Variants in MMD2 observed in about 807,000 individuals in gnomAD.
MMD2 encodes monocyte to macrophage differentiation factor 2.
In MMD2, 30 loss-of-function variants were observed where a neutral mutation model predicts 33.5. That is an observed-to-expected ratio of 0.90 (90% CI 0.67 to 1.22). The LOEUF (loss-of-function observed/expected upper bound fraction) is 1.22. Among genes scored for constraint, MMD2 ranks in the 50% most tolerant of loss-of-function variants. The pLI is 0.00. For synonymous variants in MMD2, 129 were observed against 123.0 expected, an observed-to-expected ratio of 1.05 and a Z score of -0.32; for missense variants, 364 against 325.4, an observed-to-expected ratio of 1.12 and a Z score of -0.91.
At chr7:4,911,324 A>G in intron 4 of MMD2, 78 bp from the exon 5 acceptor site, 4 of 1,199,788 alleles carry the variant, frequency 3.3e-6, no homozygotes, top group Admixed American at 2.1e-5. Context: ...GGCCTGTCAC[A>G]GGAAATGGAC....
At chr7:4,951,694 G>C (rs1408377994) in intron 1 of MMD2, among the ~76,000 whole-genome samples, 2 of 152,100 alleles carry the variant, frequency 1.3e-5, no homozygotes, top group Non-Finnish European at 2.9e-5. Flanking sequence ...CAATCTCCTA[G>C]GCTCAGGTGA....
chr7:4,944,760 C>CTTTTTTTTTT (rs142716643), intron 1 of MMD2, among the ~76,000 whole-genome samples: 34 of 75,282 alleles, frequency 4.5e-4, no homozygotes, highest in Non-Finnish European at 6.1e-4. Context: ...TCTTCTTCTT[C>CTTTTTTTTTT]TTTTTTTTTT....
the MMD2 span, among the ~76,000 whole-genome samples, chr7:4,893,163 G>A: frequency 1.3e-5 from 2 of 152,048 alleles, no homozygotes; most frequent in African/African-American, 4.8e-5. Context: ...GACCCTTGCA[G>A]CTGCCTTGAG....
chr7:4,902,805 T>A (rs1366233607), downstream of MMD2, among the ~76,000 whole-genome samples: 1 of 152,156 alleles, frequency 6.6e-6, no homozygotes, highest in Non-Finnish European at 1.5e-5. Context: ...ACCTGCCCCC[T>A]CTCAGCACTC....
At chr7:4,949,686 A>G (rs1228074211) in intron 1 of MMD2, among the ~76,000 whole-genome samples, 2 of 151,588 alleles carry the variant, frequency 1.3e-5, no homozygotes, top group South Asian at 2.1e-4. Flanking sequence ...TAATTTTTGT[A>G]TTTTTTGTAG....
At chr7:4,909,332 T>C (rs1340439448) in intron 6 of MMD2, among the ~76,000 whole-genome samples, 1 of 144,712 alleles carries the variant, frequency 6.9e-6, no homozygotes, top group African/African-American at 2.6e-5. Context: ...AAAGAAACAC[T>C]CATAGAATAG....
intron 1 of MMD2, among the ~76,000 whole-genome samples, chr7:4,935,081 G>A (rs1445585422): frequency 1.3e-5 from 2 of 152,060 alleles, no homozygotes; most frequent in Non-Finnish European, 2.9e-5. Context: ...AGCTCCTCAG[G>A]AGGCTGAGGC....
In MMD2 at chr7:4,946,089, GCACACA is replaced by G. The variant is rs1025964798; in HGVS notation, c.47+12876_47+12881del. ...CACACTCACACGCACGCACACGCAC[GCACACA>G]CACGCATGCACACGCGCACACGCAC... On this transcript the variant is annotated intron_variant, in intron 1 of 6. Transcript: ENST00000401401. The surrounding 1 kb of genome is among the most constrained non-coding windows in gnomAD (Gnocchi z 5.0). 2.0e-5 allele frequency among the ~76,000 whole-genome samples: 3 copies of G among 150,052 alleles called. No homozygotes were observed. Among genetic ancestry groups the G allele is most frequent in the African/African-American group, 7.4e-5 (3 of 40,628 alleles).
chr7:4,924,143 G>C (rs1785360343), intron 2 of MMD2, among the ~76,000 whole-genome samples: 1 of 152,210 alleles, frequency 6.6e-6, no homozygotes, highest in South Asian at 2.1e-4. Context: ...AGTGAGCCGA[G>C]ATCGCACCAC....
At chr7:4,934,260 C>T (rs1260079751) in intron 1 of MMD2, among the ~76,000 whole-genome samples, 1 of 151,800 alleles carries the variant, frequency 6.6e-6, no homozygotes, top group Non-Finnish European at 1.5e-5. Flanking sequence ...CACCACCACA[C>T]CCAACTAATT....
the MMD2 span, among the ~76,000 whole-genome samples, chr7:4,895,743 T>A: frequency 2.0e-5 from 3 of 151,832 alleles, no homozygotes; most frequent in East Asian, 5.9e-4. Flanking sequence ...ATCATGTTGG[T>A]CAGGTTGGTC....
At chr7:4,937,435 AAAGAAAGG>A (rs1188931080) in intron 1 of MMD2, among the ~76,000 whole-genome samples, 2 of 151,852 alleles carry the variant, frequency 1.3e-5, no homozygotes, top group East Asian at 1.9e-4. Flanking sequence ...AAAGAGAAAG[AAAGAAAGG>A]AAGAAAGGAA....
chr7:4,894,175 G>A, the MMD2 span, among the ~76,000 whole-genome samples: 1 of 152,088 alleles, frequency 6.6e-6, no homozygotes, highest in Admixed American at 6.6e-5. The surrounding 1 kb of genome is among the most constrained non-coding windows in gnomAD (Gnocchi z 4.3). Flanking sequence ...GACCTCCAAG[G>A]CCAGATCATA....
At chr7:4,894,423 T>C in the MMD2 span, among the ~76,000 whole-genome samples, 5 of 152,210 alleles carry the variant, frequency 3.3e-5, no homozygotes, top group African/African-American at 1.2e-4. This position sits in a 1 kb window ranked among gnomAD's most constrained non-coding sequence, Gnocchi z 4.3. Context: ...GAGTAGCCAA[T>C]TCCTAGAGAT....
chr7:4,929,007 A>G (rs11765829), intron 1 of MMD2, among the ~76,000 whole-genome samples: 22,986 of 152,208 alleles, frequency 0.15, 1,963 homozygotes, highest in East Asian at 0.29. Context: ...TTTATGGAGC[A>G]TATTGTGTAT....
intron 1 of MMD2, among the ~76,000 whole-genome samples, chr7:4,930,356 C>T (rs1785546439): frequency 7.3e-6 from 1 of 136,390 alleles, no homozygotes; most frequent in South Asian, 2.4e-4. Context: ...AAAGACAAAA[C>T]AGGCCGGGCA....
At position 4,920,158 on chromosome 7, in the gene MMD2, G is replaced by A. The variant is rs932060; in HGVS notation, c.290+13C>T. The A allele has an allele frequency of 0.42, 648,107 of 1,552,818 alleles. 138,593 individuals carry two copies. Among genetic ancestry groups the A allele is most frequent in the African/African-American group, 0.6 (43,833 of 73,124 alleles). On this transcript the variant is annotated intron_variant, in intron 3 of 6. Transcript: ENST00000401401. ...CCCCTACCCGGCATGGGTCCCCTCT[G>A]GGCGGGAGGCACCTGAGGTGGCTCT...
At chr7:4,909,382 G>C (rs779495619) in intron 6 of MMD2, among the ~76,000 whole-genome samples, 1 of 147,200 alleles carries the variant, frequency 6.8e-6, no homozygotes, top group Non-Finnish European at 1.5e-5. Flanking sequence ...GCCCTCGCCA[G>C]ACCAGGAATT....
intron 1 of MMD2, among the ~76,000 whole-genome samples, chr7:4,941,104 C>T (rs1785896182): frequency 6.6e-6 from 1 of 152,130 alleles, no homozygotes; most frequent in African/African-American, 2.4e-5. Flanking sequence ...ATGGGGGCCC[C>T]TTAGGCACCT....
Sources: gnomAD v4.1 joint callset for allele counts (sites outside exome capture counted in the v4.1 genomes callset) on GRCh38, gnomAD v4.1.1 for gene constraint, Gnocchi (gnomAD v3.1) non-coding constraint, MANE v1.5 for transcripts, NCBI Gene and HGNC (gene_info 2026-07-23, HGNC 2026-07-21) for gene names.